GABBR2: variants seen among roughly 807,000 people sequenced by gnomAD.
GABBR2 encodes G-protein coupled receptor 51.
GABBR2 carries 23 observed loss-of-function variants against 105.6 expected under a neutral mutation model. The ratio of observed to expected loss-of-function variants is 0.22; its 90% CI spans 0.16 to 0.31. The LOEUF is 0.31. Ranked by LOEUF, GABBR2 falls within the 10% of genes least tolerant of loss-of-function variation. The probability of loss-of-function intolerance (pLI) is 1.00; values close to 1 mark genes in which losing one functional copy is unlikely to be tolerated. For missense variants in GABBR2, 734 were observed against 1,245.5 expected (o/e 0.59, Z 6.18); for synonymous variants, 478 against 499.7 (o/e 0.96, Z 0.58).
intron 6 of GABBR2, among the ~76,000 whole-genome samples, chr9:98,468,886 G>A (rs916791274): frequency 6.6e-6 from 1 of 152,134 alleles, no homozygotes; most frequent in African/African-American, 2.4e-5. Flanking sequence ...CCCTAAGCAC[G>A]TCACAGGTCT....
intron 4 of GABBR2, among the ~76,000 whole-genome samples, chr9:98,482,966 G>T (rs1315295997): frequency 6.6e-6 from 1 of 151,916 alleles, no homozygotes; most frequent in Non-Finnish European, 1.5e-5. Flanking sequence ...GGGCCACCTA[G>T]TTCATGACCC....
chr9:98,485,811 G>T (rs1466150710), intron 4 of GABBR2, among the ~76,000 whole-genome samples: 1 of 152,168 alleles, frequency 6.6e-6, no homozygotes, highest in East Asian at 1.9e-4. Flanking sequence ...CGGCTGCAGT[G>T]AGGGTGGGCT....
Position 98,306,403 on chromosome 9 carries a change from G to A in GABBR2, c.2005-58C>T. 1 of 1,226,206 alleles carries A rather than the reference G, an allele frequency of 8.2e-7. No individual in the cohort carries two copies. Among genetic ancestry groups the A allele is most frequent in the Non-Finnish European group, 1.2e-6 (1 of 841,020 alleles). 76.0% of individuals were successfully genotyped at this position (1,226,206 alleles called of 1,614,324 possible). A position where few individuals can be genotyped will look rare whatever the true frequency, so the allele number is the denominator to read the frequency against. On this transcript the variant is annotated intron_variant, in intron 14 of 18. Coordinates refer to ENST00000259455, the MANE Select transcript of GABBR2 (RefSeq NM_005458.8). The surrounding 1 kb of genome is among the most constrained non-coding windows in gnomAD (Gnocchi z 5.4). ...CGTTACCAAGGGGTGGCACACACAGGCTGCTCTGAGAAGCTGTGGAGTGGA... is the reference window on the plus strand; with the variant it reads ...CGTTACCAAGGGGTGGCACACACAGACTGCTCTGAGAAGCTGTGGAGTGGA...
chr9:98,575,731 T>C (rs1043023995), intron 2 of GABBR2, among the ~76,000 whole-genome samples: 5 of 152,208 alleles, frequency 3.3e-5, no homozygotes, highest in Non-Finnish European at 7.3e-5. Context: ...CACTGAGCCA[T>C]GCTGGCTTTC....
chr9:98,643,973 G>T (rs997287019), intron 1 of GABBR2, among the ~76,000 whole-genome samples: 10 of 152,190 alleles, frequency 6.6e-5, no homozygotes, highest in Admixed American at 6.5e-5. Flanking sequence ...GTTTCTGAAT[G>T]ATTCAGTTCT....
In GABBR2 at chr9:98,697,394, G is replaced by A. The variant is rs78757676; in HGVS notation, c.321+11023C>T. 7.2e-3 allele frequency among the ~76,000 whole-genome samples: 1,103 copies of A among 152,216 alleles called. 47 individuals are homozygous for A. The East Asian group carries it at 0.11, about 15-fold the overall frequency. On this transcript the variant is annotated intron_variant, in intron 1 of 18. Transcript: ENST00000259455. The stretch of plus-strand genomic sequence containing the variant: ...TAGTCCCAGCTACTCGGAAGGCGGA[G>A]GCAGGAGAATGGCGTGAACACGGGA...
Position 98,590,941 on chromosome 9 carries a change from C to T in GABBR2, c.322-12869G>A, listed in dbSNP as rs373282158. 5.3e-5 allele frequency among the ~76,000 whole-genome samples: 8 copies of T among 152,218 alleles called. No individual in the cohort carries two copies. In the East Asian group the frequency reaches 1.4e-3, roughly 26 times the overall value. ...AATATTCATTCATCCCATAAACGCA[C>T]CCTGGGTGATGAAGAACCAGGTCTC... On this transcript the variant is annotated intron_variant, in intron 1 of 18. Transcript: ENST00000259455.
At chr9:98,515,619 C>T (rs1827742375) in intron 3 of GABBR2, among the ~76,000 whole-genome samples, 1 of 152,004 alleles carries the variant, frequency 6.6e-6, no homozygotes, top group South Asian at 2.1e-4. Context: ...CTGGGACTCG[C>T]CTTGGCACAG....
At chr9:98,647,718 GA>G (rs1404510086) in intron 1 of GABBR2, among the ~76,000 whole-genome samples, 1 of 152,172 alleles carries the variant, frequency 6.6e-6, no homozygotes, top group Non-Finnish European at 1.5e-5. Context: ...ATTACATTGA[GA>G]AGAAATGCAA....
At chr9:98,676,214 A>G (rs1447581757) in intron 1 of GABBR2, among the ~76,000 whole-genome samples, 1 of 152,256 alleles carries the variant, frequency 6.6e-6, no homozygotes, top group Non-Finnish European at 1.5e-5. Context: ...GGAAGGGGCC[A>G]TGTGCCAAGG....
chr9:98,649,718 A>G (rs1830079026), intron 1 of GABBR2, among the ~76,000 whole-genome samples: 1 of 152,214 alleles, frequency 6.6e-6, no homozygotes, highest in African/African-American at 2.4e-5. Context: ...GTTGAGAAAA[A>G]TAGGTATAAT....
At chr9:98,300,904 G>A (rs763335877) in intron 16 of GABBR2, among the ~76,000 whole-genome samples, 30 of 152,220 alleles carry the variant, frequency 2.0e-4, no homozygotes, top group Non-Finnish European at 3.8e-4. Context: ...TTTCTACACA[G>A]TTGTCAGTCA....
chr9:98,662,029 C>A (rs1440019381), intron 1 of GABBR2, among the ~76,000 whole-genome samples: 1 of 152,150 alleles, frequency 6.6e-6, no homozygotes, highest in Non-Finnish European at 1.5e-5. Context: ...ACTCTTCCCC[C>A]TTCCAGTCCT....
At chr9:98,386,407 A>G (rs934986953) in intron 10 of GABBR2, among the ~76,000 whole-genome samples, 3 of 152,084 alleles carry the variant, frequency 2.0e-5, no homozygotes, top group Non-Finnish European at 4.4e-5. Flanking sequence ...TCCGTGCACA[A>G]AGACAGCCAC....
intron 1 of GABBR2, among the ~76,000 whole-genome samples, chr9:98,674,888 C>T (rs1830454741): frequency 6.6e-6 from 1 of 152,190 alleles, no homozygotes; most frequent in African/African-American, 2.4e-5. Flanking sequence ...GTGGAAGCTT[C>T]ATTTCTCTCT....
chr9:98,683,110 C>A (rs746757291), intron 1 of GABBR2, among the ~76,000 whole-genome samples: 24 of 152,110 alleles, frequency 1.6e-4, no homozygotes, highest in Non-Finnish European at 2.5e-4. Flanking sequence ...TCCACCTCCC[C>A]CGAGACGGAG....
At chr9:98,515,492 T>C (rs1370653563) in intron 3 of GABBR2, among the ~76,000 whole-genome samples, 1 of 152,198 alleles carries the variant, frequency 6.6e-6, no homozygotes, top group African/African-American at 2.4e-5. Context: ...TCAACTTATG[T>C]TCTGCTCTAA....
intron 7 of GABBR2, among the ~76,000 whole-genome samples, chr9:98,431,710 T>C (rs1314131547): frequency 2.6e-5 from 4 of 151,900 alleles, no homozygotes; most frequent in African/African-American, 9.7e-5. Flanking sequence ...TTTGTTTTGT[T>C]TTTTTGATAG....
At chr9:98,350,727 A>C (rs563123245) in intron 13 of GABBR2, among the ~76,000 whole-genome samples, 1 of 152,290 alleles carries the variant, frequency 6.6e-6, no homozygotes, top group Admixed American at 6.5e-5. Context: ...CATTGGATGA[A>C]ACGTTCTATA....
Sources: allele counts gnomAD v4.1 joint callset (sites outside exome capture counted in the v4.1 genomes callset), GRCh38; gene constraint gnomAD v4.1.1; non-coding constraint Gnocchi (gnomAD v3.1); transcripts MANE v1.5; gene names NCBI Gene and HGNC (gene_info 2026-07-23, HGNC 2026-07-21).